IMMP2L: variants seen among roughly 807,000 people sequenced by gnomAD.
IMMP2L encodes mitochondrial inner membrane protease subunit 2.
IMMP2L carries 18 observed loss-of-function variants against 19.3 expected under a neutral mutation model. That is an observed-to-expected ratio of 0.93 (90% confidence interval 0.64 to 1.38). IMMP2L has a LOEUF of 1.38. Among genes scored for constraint, IMMP2L ranks in the 40% most tolerant of loss-of-function variants. The probability of loss-of-function intolerance (pLI) is 0.00; values close to 1 mark genes in which losing one functional copy is unlikely to be tolerated. For synonymous variants in IMMP2L, 76 were observed against 73.0 expected (o/e 1.04, Z -0.21); for missense variants, 233 against 218.2 (o/e 1.07, Z -0.43).
intron 5 of IMMP2L, among the ~76,000 whole-genome samples, chr7:110,735,681 T>TACACACACACACACACAC (rs3051068): frequency 8.7e-6 from 1 of 114,812 alleles, no homozygotes; most frequent in Non-Finnish European, 1.7e-5. Context: ...AGTAGACAAA[T>TACACACACACACACACAC]ACACACACAC....
intron 3 of IMMP2L, among the ~76,000 whole-genome samples, chr7:111,386,211 T>C (rs561918489): frequency 6.6e-6 from 1 of 152,238 alleles, no homozygotes; most frequent in East Asian, 1.9e-4. Context: ...CCTGATATAA[T>C]AATCTAGACA....
At chr7:110,701,305 T>C (rs1794270132) in intron 5 of IMMP2L, among the ~76,000 whole-genome samples, 1 of 152,248 alleles carries the variant, frequency 6.6e-6, no homozygotes, top group Non-Finnish European at 1.5e-5. Flanking sequence ...CTATCACTTT[T>C]AGCAATAATA....
At chr7:111,553,448 C>T (rs144148035) in intron 1 of IMMP2L, among the ~76,000 whole-genome samples, 2,498 of 152,190 alleles carry the variant, frequency 0.016, 54 homozygotes, top group Middle Eastern at 0.085. Flanking sequence ...AAAATAAGTC[C>T]ATTTGTGGTG....
At chr7:111,355,208 CTTTA>C (rs1828572771) in intron 3 of IMMP2L, among the ~76,000 whole-genome samples, 1 of 151,148 alleles carries the variant, frequency 6.6e-6, no homozygotes, top group South Asian at 2.1e-4. Context: ...TTAAAAGTTC[CTTTA>C]TTTTTTACAA....
chr7:110,825,142 C>A (rs139466697), intron 5 of IMMP2L, among the ~76,000 whole-genome samples: 4,897 of 152,142 alleles, frequency 0.032, 87 homozygotes, highest in East Asian at 0.067. Context: ...ATGTGAAGGA[C>A]CTCCTCAAGG....
intron 3 of IMMP2L, among the ~76,000 whole-genome samples, chr7:111,295,931 T>C (rs1319717043): frequency 6.9e-6 from 1 of 144,968 alleles, no homozygotes; most frequent in African/African-American, 2.5e-5. Context: ...TCGGAACACA[T>C]AGAAGAAAAT....
chr7:111,211,886 A>G (rs1811355831), intron 3 of IMMP2L, among the ~76,000 whole-genome samples: 1 of 151,882 alleles, frequency 6.6e-6, no homozygotes, highest in South Asian at 2.1e-4. Flanking sequence ...AGTCCCAGCT[A>G]CTCCGGAGGC....
chr7:111,444,889 A>G (rs950308858), intron 3 of IMMP2L, among the ~76,000 whole-genome samples: 3 of 152,102 alleles, frequency 2.0e-5, no homozygotes, highest in African/African-American at 7.2e-5. Flanking sequence ...CTTCAGCATA[A>G]TATCTATTGG....
intron 3 of IMMP2L, among the ~76,000 whole-genome samples, chr7:111,254,910 C>G (rs1816540438): frequency 1.3e-5 from 2 of 152,148 alleles, no homozygotes; most frequent in Admixed American, 1.3e-4. Flanking sequence ...TCTTTATCAA[C>G]ATTAACTTTT....
At chr7:111,170,103 C>T (rs1412387302) in intron 3 of IMMP2L, among the ~76,000 whole-genome samples, 1 of 151,852 alleles carries the variant, frequency 6.6e-6, no homozygotes, top group African/African-American at 2.4e-5. Flanking sequence ...GTTGAAACTG[C>T]TGAAACTATG....
chr7:110,948,240 TA>T (rs1563103397), intron 4 of IMMP2L, among the ~76,000 whole-genome samples: 3 of 152,154 alleles, frequency 2.0e-5, no homozygotes, highest in African/African-American at 7.2e-5. Context: ...TCCAACTCTA[TA>T]AAACAGCAAA....
At chr7:111,076,121 AG>A (rs1322081861) in intron 3 of IMMP2L, among the ~76,000 whole-genome samples, 2 of 151,998 alleles carry the variant, frequency 1.3e-5, no homozygotes, top group Non-Finnish European at 2.9e-5. Flanking sequence ...GGTGGGGAGG[AG>A]TCCATTGGCC....
intron 3 of IMMP2L, among the ~76,000 whole-genome samples, chr7:111,194,864 T>C (rs1370649002): frequency 1.3e-5 from 2 of 152,166 alleles, no homozygotes; most frequent in Non-Finnish European, 2.9e-5. Context: ...TCTATAATCA[T>C]ATCTAACATG....
chr7:111,116,946 T>C (rs1242736896), intron 3 of IMMP2L, among the ~76,000 whole-genome samples: 1 of 152,190 alleles, frequency 6.6e-6, no homozygotes, highest in Non-Finnish European at 1.5e-5. Context: ...AATTCACATC[T>C]GAATTTAGAT....
In IMMP2L at chr7:111,123,211, A is replaced by G. The variant is rs746153863; in HGVS notation, c.240-159646T>C. 33 of 1,613,830 alleles carry G rather than the reference A, an allele frequency of 2.0e-5. No homozygotes were observed. The Middle Eastern group carries it at 8.2e-4, about 40-fold the overall frequency. On this transcript the variant is annotated intron_variant, in intron 3 of 5. Coordinates refer to ENST00000405709, the MANE Select transcript of IMMP2L (RefSeq NM_032549.4). The surrounding 1 kb of genome is among the most constrained non-coding windows in gnomAD (Gnocchi z 6.4). ...ACTGAGCAACTTACAAGAACTCTAT[A>G]TTAATCACAACTTGCTTTCTACAAT... is the stretch of plus-strand genomic sequence containing the variant.
intron 3 of IMMP2L, among the ~76,000 whole-genome samples, chr7:111,078,889 A>G (rs1795640373): frequency 6.6e-6 from 1 of 151,630 alleles, no homozygotes; most frequent in Non-Finnish European, 1.5e-5. Context: ...GCCACCACAC[A>G]TGGCTAATTC....
At chr7:111,526,022 G>A (rs1271199571) in intron 1 of IMMP2L, among the ~76,000 whole-genome samples, 4 of 150,662 alleles carry the variant, frequency 2.7e-5, no homozygotes, top group South Asian at 2.1e-4. Context: ...GCAAGACCTC[G>A]GCATTTCAGG....
At chr7:110,723,750 A>G (rs1450787193) in intron 5 of IMMP2L, among the ~76,000 whole-genome samples, 1 of 152,144 alleles carries the variant, frequency 6.6e-6, no homozygotes, top group Non-Finnish European at 1.5e-5. Context: ...ATTAGAAAAC[A>G]GAGGTAATGA....
intron 3 of IMMP2L, among the ~76,000 whole-genome samples, chr7:111,381,842 G>A (rs1239062019): frequency 6.6e-6 from 1 of 151,950 alleles, no homozygotes; most frequent in Non-Finnish European, 1.5e-5. Context: ...ACTATAATGA[G>A]CTAAATGGAA....
Sources: gnomAD v4.1 joint callset for allele counts (sites outside exome capture counted in the v4.1 genomes callset) on GRCh38, gnomAD v4.1.1 for gene constraint, Gnocchi (gnomAD v3.1) non-coding constraint, MANE v1.5 for transcripts, NCBI Gene and HGNC (gene_info 2026-07-23, HGNC 2026-07-21) for gene names.